ZFPM2: variants seen among roughly 807,000 people sequenced by gnomAD.
ZFPM2 encodes zinc finger protein ZFPM2.
Under a neutral mutation model 98.6 loss-of-function variants are expected in ZFPM2, and 20 were observed. The observed-to-expected ratio is 0.20, with a 90% CI of 0.14 to 0.29. The LOEUF (loss-of-function observed/expected upper bound fraction) is 0.29, where lower values mean the gene tolerates loss of function less well. Ranked by LOEUF, ZFPM2 falls within the 10% of genes least tolerant of loss-of-function variation. The pLI is 1.00. For missense variants in ZFPM2, 1,310 were observed against 1,388.6 expected (o/e 0.94, Z 0.90); for synonymous variants, 518 against 502.7 (o/e 1.03, Z -0.41).
At chr8:105,424,857 A>G (rs1341171932) in intron 2 of ZFPM2, among the ~76,000 whole-genome samples, 2 of 152,216 alleles carry the variant, frequency 1.3e-5, no homozygotes, top group African/African-American at 4.8e-5. Flanking sequence ...AGAGAGAGAG[A>G]GGCAATAAAC....
At chr8:105,480,798 T>A (rs992385750) in intron 3 of ZFPM2, among the ~76,000 whole-genome samples, 1 of 151,668 alleles carries the variant, frequency 6.6e-6, no homozygotes, top group Non-Finnish European at 1.5e-5. Flanking sequence ...CCTCCCAGTC[T>A]GGAGTACTGT....
chr8:105,342,909 C>A (rs1425237530), intron 1 of ZFPM2, among the ~76,000 whole-genome samples: 1 of 151,886 alleles, frequency 6.6e-6, no homozygotes, highest in Non-Finnish European at 1.5e-5. Flanking sequence ...CTAGGTCTGG[C>A]ACATAAAACC....
intron 1 of ZFPM2, among the ~76,000 whole-genome samples, chr8:105,356,873 C>T (rs949054036): frequency 3.3e-5 from 5 of 152,082 alleles, no homozygotes; most frequent in African/African-American, 1.2e-4. Context: ...CTGCTTCATC[C>T]TGCTTGTAAT....
intron 5 of ZFPM2, among the ~76,000 whole-genome samples, chr8:105,722,276 A>G (rs1431964827): frequency 6.6e-6 from 1 of 151,798 alleles, no homozygotes; most frequent in African/African-American, 2.4e-5. Flanking sequence ...TTTCTAGACT[A>G]GGTCAAGCTC....
intron 5 of ZFPM2, among the ~76,000 whole-genome samples, chr8:105,768,772 T>C (rs1429397714): frequency 6.6e-6 from 1 of 151,794 alleles, no homozygotes; most frequent in Non-Finnish European, 1.5e-5. Flanking sequence ...ACAGTTGAAG[T>C]CATGAACTAC....
chr8:105,536,058 G>A (rs1814444153), intron 3 of ZFPM2, among the ~76,000 whole-genome samples: 2 of 152,092 alleles, frequency 1.3e-5, no homozygotes, highest in South Asian at 4.1e-4. Flanking sequence ...AATGAGCCCT[G>A]GTTTAAACAA....
rs1563606407 is a variant in ZFPM2 at position 105,330,539 on chromosome 8, TATATATATATATA to T, written c.40+11559_40+11571del. ...AAAACAATTTCTCTCTCTCTCTCTC[TATATATATATATA>T]CATATATATATATATACATATATAT... On this transcript the variant is annotated intron_variant, in intron 1 of 7. Coordinates refer to ENST00000407775, the MANE Select transcript of ZFPM2 (RefSeq NM_012082.4). Among the ~76,000 whole-genome samples the T allele has an allele frequency of 8.8e-4, 61 of 69,630 alleles. 1 individual carries two copies. The highest frequency in any genetic ancestry group is 2.3e-3 in the African/African-American group (40 of 17,378). The allele number at this position is 69,630 out of a possible 152,430, so 45.7% of individuals were successfully genotyped here.
chr8:105,425,586 ACTT>A (rs775074279), intron 2 of ZFPM2, among the ~76,000 whole-genome samples: 1 of 152,186 alleles, frequency 6.6e-6, no homozygotes, highest in Non-Finnish European at 1.5e-5. Flanking sequence ...ATCGTACTCA[ACTT>A]CTTCTGCCGA....
At chr8:105,505,452 T>C (rs1436038252) in intron 3 of ZFPM2, among the ~76,000 whole-genome samples, 1 of 152,136 alleles carries the variant, frequency 6.6e-6, no homozygotes, top group African/African-American at 2.4e-5. Context: ...ATTCACTACA[T>C]AGATACAAAC....
intron 3 of ZFPM2, among the ~76,000 whole-genome samples, chr8:105,515,695 G>A (rs141945894): frequency 3.3e-5 from 5 of 152,170 alleles, no homozygotes; most frequent in African/African-American, 1.2e-4. Flanking sequence ...TGCAGGCTGT[G>A]GTTCTTTGCT....
intron 4 of ZFPM2, among the ~76,000 whole-genome samples, chr8:105,617,283 C>G (rs1816440739): frequency 6.6e-6 from 1 of 152,038 alleles, no homozygotes; most frequent in Non-Finnish European, 1.5e-5. Flanking sequence ...TGCACTATTT[C>G]CACCCTGTGC....
chr8:105,765,440 C>G (rs1446483930), intron 5 of ZFPM2, among the ~76,000 whole-genome samples: 1 of 151,796 alleles, frequency 6.6e-6, no homozygotes, highest in Admixed American at 6.6e-5. Flanking sequence ...AAAATTCTAA[C>G]TTTTCATATT....
intron 5 of ZFPM2, among the ~76,000 whole-genome samples, chr8:105,774,091 G>A (rs1313705748): frequency 1.3e-5 from 2 of 152,146 alleles, no homozygotes; most frequent in African/African-American, 2.4e-5. Flanking sequence ...ACATAGTCAC[G>A]TGTGATTTTG....
At chr8:105,472,525 C>T (rs1307778908) in intron 3 of ZFPM2, among the ~76,000 whole-genome samples, 10 of 152,058 alleles carry the variant, frequency 6.6e-5, no homozygotes, top group African/African-American at 2.2e-4. Flanking sequence ...TTTTTTGAGA[C>T]GGAGTCTCAC....
chr8:105,761,366 T>C (rs1233872380), intron 5 of ZFPM2, among the ~76,000 whole-genome samples: 1 of 152,040 alleles, frequency 6.6e-6, no homozygotes, highest in Non-Finnish European at 1.5e-5. Context: ...ACTAAATGAA[T>C]TAATGATGAA....
chr8:105,479,825 T>G (rs1201522809), intron 3 of ZFPM2, among the ~76,000 whole-genome samples: 2 of 152,190 alleles, frequency 1.3e-5, no homozygotes, highest in East Asian at 3.9e-4. Flanking sequence ...GACTTCAGGC[T>G]TGGTGAGCAT....
intron 3 of ZFPM2, among the ~76,000 whole-genome samples, chr8:105,451,145 A>C (rs925401830): frequency 1.3e-5 from 2 of 152,186 alleles, no homozygotes; most frequent in Non-Finnish European, 2.9e-5. Flanking sequence ...GGCTTGTTTT[A>C]GAGTTTGCAA....
At chr8:105,342,601 C>A (rs1812450287) in intron 1 of ZFPM2, among the ~76,000 whole-genome samples, 1 of 150,396 alleles carries the variant, frequency 6.6e-6, no homozygotes, top group African/African-American at 2.4e-5. Context: ...AGAGAAAAGA[C>A]CAAAGAAACT....
At chr8:105,456,160 GT>G (rs200294630) in intron 3 of ZFPM2, among the ~76,000 whole-genome samples, 1 of 128,388 alleles carries the variant, frequency 7.8e-6, no homozygotes, top group African/African-American at 3.3e-5. Context: ...TTTTTTGTTT[GT>G]TTGTTTGTTT....
Sources: gnomAD v4.1 joint callset for allele counts (sites outside exome capture counted in the v4.1 genomes callset) on GRCh38, gnomAD v4.1.1 for gene constraint, MANE v1.5 for transcripts, NCBI Gene and HGNC (gene_info 2026-07-23, HGNC 2026-07-21) for gene names.